IMPG1: variants seen among roughly 807,000 people sequenced by gnomAD.
The protein encoded by IMPG1 is interphotoreceptor matrix proteoglycan of 150 kDa.
IMPG1 carries 85 observed loss-of-function variants against 92.0 expected under a neutral mutation model. That is an observed-to-expected ratio of 0.92 (90% CI 0.78 to 1.11). The LOEUF (loss-of-function observed/expected upper bound fraction) is 1.11, where lower values mean the gene tolerates loss of function less well. Ranked by LOEUF, IMPG1 falls within the 50% of genes least tolerant of loss-of-function variation. IMPG1 has a pLI of 0.00. For missense variants in IMPG1, 1,022 were observed against 956.0 expected (o/e 1.07, Z -0.91); for synonymous variants, 367 against 334.1 (o/e 1.10, Z -1.08).
chr6:76,013,347 G>A (rs571853909), intron 7 of IMPG1, among the ~76,000 whole-genome samples: 66 of 151,906 alleles, frequency 4.3e-4, no homozygotes, highest in African/African-American at 1.6e-3. Context: ...ACACTAAACT[G>A]ACCCCTGTTC....
At chr6:76,002,333 C>T (rs1247884317) in intron 12 of IMPG1, among the ~76,000 whole-genome samples, 1 of 152,180 alleles carries the variant, frequency 6.6e-6, no homozygotes, top group Non-Finnish European at 1.5e-5. Context: ...AAGTTTGATA[C>T]TATTGCCTCA....
chr6:75,943,385 C>T (rs1165741960), intron 14 of IMPG1, among the ~76,000 whole-genome samples: 1 of 152,088 alleles, frequency 6.6e-6, no homozygotes, highest in African/African-American at 2.4e-5. Flanking sequence ...GGGGTGAGTT[C>T]TTACTCTGTG....
At chr6:75,925,462 A>G (rs749323718) in intron 15 of IMPG1, among the ~76,000 whole-genome samples, 11 of 152,072 alleles carry the variant, frequency 7.2e-5, no homozygotes, top group Non-Finnish European at 1.5e-4. Context: ...AGGGAAATGG[A>G]GAAGGACAGA....
At chr6:75,973,232 G>A (rs1467443158) in intron 12 of IMPG1, among the ~76,000 whole-genome samples, 3 of 131,372 alleles carry the variant, frequency 2.3e-5, no homozygotes, top group African/African-American at 8.6e-5. Flanking sequence ...CTTCCACTTC[G>A]GCCTCCCAAA....
At chr6:75,928,292 T>C (rs576375639) in intron 15 of IMPG1, among the ~76,000 whole-genome samples, 2 of 151,814 alleles carry the variant, frequency 1.3e-5, no homozygotes, top group African/African-American at 4.8e-5. Flanking sequence ...CTCCACCTCC[T>C]GGGTTCAAGT....
At chr6:75,972,108 C>A (rs1487191652) in intron 12 of IMPG1, among the ~76,000 whole-genome samples, 3 of 152,096 alleles carry the variant, frequency 2.0e-5, no homozygotes, top group African/African-American at 7.2e-5. Flanking sequence ...TCTTCACATA[C>A]AAGAATGTCC....
At chr6:76,029,706 A>G (rs953044934) in intron 4 of IMPG1, among the ~76,000 whole-genome samples, 27 of 152,192 alleles carry the variant, frequency 1.8e-4, no homozygotes, top group African/African-American at 6.5e-4. Flanking sequence ...AATAGGGAAT[A>G]AATAGGGTGC....
chr6:75,931,191 G>T (rs1324328252), intron 14 of IMPG1, 40 bp from the exon 15 acceptor site: 8 of 1,554,792 alleles, frequency 5.1e-6, no homozygotes, highest in African/African-American at 1.4e-5. Context: ...TGTATGAATA[G>T]CTAAGCAATG....
In IMPG1 at chr6:76,034,361, T is replaced by C. The variant is rs989757943; in HGVS notation, c.469-18A>G. On this transcript the variant is annotated intron_variant, in intron 3 of 16. Transcript: ENST00000369950. Reference sequence around the variant, plus strand: ...TTTATTCTCTGCAAAAAGATAAAGATAAAATGTAATTTTACCAGGAGATAA... The same window carrying C: ...TTTATTCTCTGCAAAAAGATAAAGACAAAATGTAATTTTACCAGGAGATAA... 6.2e-7 allele frequency: 1 copy of C among 1,609,956 alleles called. No homozygotes were observed. Among genetic ancestry groups the C allele is most frequent in the African/African-American group, 1.3e-5 (1 of 74,826 alleles).
chr6:75,989,840 C>A (rs1782785313), intron 12 of IMPG1, among the ~76,000 whole-genome samples: 1 of 152,066 alleles, frequency 6.6e-6, no homozygotes, highest in South Asian at 2.1e-4. Context: ...GAGACTTGGT[C>A]TCAATAATAA....
At chr6:75,960,407 A>T (rs1335958124) in intron 12 of IMPG1, among the ~76,000 whole-genome samples, 1 of 152,230 alleles carries the variant, frequency 6.6e-6, no homozygotes, top group African/African-American at 2.4e-5. Flanking sequence ...TTAATTCATT[A>T]AAGGAACAAT....
chr6:75,980,418 G>C (rs1161618590), intron 12 of IMPG1, among the ~76,000 whole-genome samples: 1 of 152,192 alleles, frequency 6.6e-6, no homozygotes, highest in African/African-American at 2.4e-5. Context: ...GCAAAGCATC[G>C]TTCCTGGGTG....
At chr6:76,003,047 A>G (rs1189145200) in intron 11 of IMPG1, 51 bp from the exon 12 acceptor site, 1 of 1,309,126 alleles carries the variant, frequency 7.6e-7, no homozygotes, top group African/African-American at 1.4e-5. Flanking sequence ...GTTTGTATGT[A>G]TATGAGAAGG....
At chr6:76,002,853 A>G (rs1363521697) in intron 12 of IMPG1, 65 bp downstream of exon 12, 9 of 1,247,574 alleles carry the variant, frequency 7.2e-6, no homozygotes, top group Middle Eastern at 1.8e-4. Context: ...TTGAGGCAGT[A>G]TCATAATGGG....
intron 12 of IMPG1, among the ~76,000 whole-genome samples, chr6:75,985,588 G>T (rs114033863): frequency 1.3e-3 from 200 of 152,338 alleles, no homozygotes; most frequent in African/African-American, 4.6e-3. Flanking sequence ...GAATGCTTTA[G>T]TGACTTAAAA....
intron 12 of IMPG1, among the ~76,000 whole-genome samples, chr6:75,951,522 G>A (rs1562345879): frequency 1.3e-5 from 2 of 152,120 alleles, no homozygotes; most frequent in African/African-American, 4.8e-5. Flanking sequence ...CAGACAACTA[G>A]GTGTGCAGTT....
intron 12 of IMPG1, among the ~76,000 whole-genome samples, chr6:75,958,993 T>G (rs1224194613): frequency 6.6e-6 from 1 of 152,160 alleles, no homozygotes; most frequent in Non-Finnish European, 1.5e-5. Context: ...TTTGCACTGG[T>G]TTTTCCTCAT....
chr6:75,949,005 T>C (rs928305416), intron 13 of IMPG1, among the ~76,000 whole-genome samples: 1 of 152,178 alleles, frequency 6.6e-6, no homozygotes, highest in African/African-American at 2.4e-5. Flanking sequence ...AATGGCATCA[T>C]AGAGCTAAGC....
chr6:75,993,290 T>A (rs942507403), intron 12 of IMPG1, among the ~76,000 whole-genome samples: 1 of 152,206 alleles, frequency 6.6e-6, no homozygotes, highest in African/African-American at 2.4e-5. Context: ...CTTTGACAGC[T>A]GTCGTAACAG....
Sources: gnomAD v4.1 joint callset for allele counts (sites outside exome capture counted in the v4.1 genomes callset) on GRCh38, gnomAD v4.1.1 for gene constraint, MANE v1.5 for transcripts, NCBI Gene and HGNC (gene_info 2026-07-23, HGNC 2026-07-21) for gene names.